Variants in AGBL3 observed in about 807,000 individuals in gnomAD.
The protein encoded by AGBL3 is cytosolic carboxypeptidase 3.
AGBL3 carries 68 observed loss-of-function variants against 94.5 expected under a neutral mutation model. That is an observed-to-expected ratio of 0.72 (90% CI 0.59 to 0.88). AGBL3 has a LOEUF of 0.88. AGBL3 is among the 40% of genes least tolerant of loss of function. AGBL3 has a pLI of 0.00. For missense variants in AGBL3, 934 were observed against 1,103.8 expected, an observed-to-expected ratio of 0.85 and a Z score of 2.18; for synonymous variants, 354 against 370.7, an observed-to-expected ratio of 0.95 and a Z score of 0.52.
intron 5 of AGBL3, among the ~76,000 whole-genome samples, chr7:135,029,115 C>CTT (rs1815459085): frequency 6.6e-6 from 1 of 152,138 alleles, no homozygotes; most frequent in African/African-American, 2.4e-5. Flanking sequence ...TAGCATAATT[C>CTT]TTAAGGGCCC....
chr7:134,992,549 A>G (rs113686616), intron 3 of AGBL3, among the ~76,000 whole-genome samples: 8 of 152,354 alleles, frequency 5.3e-5, no homozygotes, highest in African/African-American at 1.2e-4. Context: ...AATTGTCTGT[A>G]TATAGTTTTT....
chr7:135,042,762 A>C (rs1816981636), intron 8 of AGBL3, among the ~76,000 whole-genome samples: 1 of 152,094 alleles, frequency 6.6e-6, no homozygotes, highest in Admixed American at 6.6e-5. Flanking sequence ...AAATACAAAA[A>C]TAGCTACGTA....
intron 15 of AGBL3, among the ~76,000 whole-genome samples, chr7:135,086,743 G>A (rs1290170650): frequency 6.6e-6 from 1 of 151,884 alleles, no homozygotes; most frequent in Non-Finnish European, 1.5e-5. Flanking sequence ...GATTTGGTTT[G>A]TTAGTATTTT....
chr7:135,118,978 G>GA (rs1826726766), intron 16 of AGBL3, among the ~76,000 whole-genome samples: 1 of 152,004 alleles, frequency 6.6e-6, no homozygotes, highest in South Asian at 2.1e-4. Flanking sequence ...GAACATAAGA[G>GA]AAAAAATAGG....
At chr7:134,994,147 G>A (rs1390107417) in intron 4 of AGBL3, among the ~76,000 whole-genome samples, 1 of 152,180 alleles carries the variant, frequency 6.6e-6, no homozygotes, top group East Asian at 1.9e-4. Context: ...AGGCTATGCC[G>A]GAATGGCTGT....
At chr7:135,077,575 A>G (rs1295490012) in intron 13 of AGBL3, among the ~76,000 whole-genome samples, 1 of 152,160 alleles carries the variant, frequency 6.6e-6, no homozygotes, top group Non-Finnish European at 1.5e-5. Flanking sequence ...AAAGCAGTGC[A>G]ATTATGGCTT....
intron 16 of AGBL3, chr7:135,128,865 G>A: frequency 7.9e-7 from 1 of 1,268,912 alleles, no homozygotes; most frequent in Non-Finnish European, 1.2e-6. Flanking sequence ...TATGATCCAG[G>A]AAATCTTGGA....
intron 11 of AGBL3, among the ~76,000 whole-genome samples, chr7:135,056,376 A>G (rs1818352030): frequency 6.6e-6 from 1 of 152,026 alleles, no homozygotes; most frequent in African/African-American, 2.4e-5. Flanking sequence ...ATATGCATTC[A>G]ATGCTATAAA....
At chr7:135,007,928 C>A (rs534058432) in intron 4 of AGBL3, among the ~76,000 whole-genome samples, 1 of 151,860 alleles carries the variant, frequency 6.6e-6, no homozygotes, top group Non-Finnish European at 1.5e-5. Flanking sequence ...AATATGAATA[C>A]ATTTAGGTAA....
At chr7:135,063,856 A>C (rs1819049841) in intron 12 of AGBL3, among the ~76,000 whole-genome samples, 1 of 152,194 alleles carries the variant, frequency 6.6e-6, no homozygotes. Flanking sequence ...ACAATAGCAA[A>C]CATGTATTTT....
chr7:135,090,634 G>A (rs1821720208), intron 15 of AGBL3, among the ~76,000 whole-genome samples: 1 of 152,128 alleles, frequency 6.6e-6, no homozygotes, highest in Non-Finnish European at 1.5e-5. Context: ...TGACCACTCT[G>A]AGTGACCAAG....
chr7:135,057,202 A>G lies in AGBL3; in HGVS notation c.1842-1967A>G, dbSNP rs565479847. ...GTTACTGGAACAATTGGACATCCACAGGCAAAATGTGAACTAGAAGCAACT... is the reference window on the plus strand; with the variant it reads ...GTTACTGGAACAATTGGACATCCACGGGCAAAATGTGAACTAGAAGCAACT... On this transcript the variant is annotated intron_variant, in intron 11 of 16. Coordinates refer to ENST00000436302, the MANE Select transcript of AGBL3 (RefSeq NM_178563.4). Among the ~76,000 whole-genome samples, 75 of 152,318 alleles carry G rather than the reference A, an allele frequency of 4.9e-4. 1 individual carries two copies. The highest frequency in any genetic ancestry group is 1.7e-3 in the African/African-American group (69 of 41,592).
intron 12 of AGBL3, among the ~76,000 whole-genome samples, chr7:135,069,375 C>G (rs1222756015): frequency 6.6e-6 from 1 of 151,948 alleles, no homozygotes; most frequent in Non-Finnish European, 1.5e-5. Context: ...CCAAGCAGAC[C>G]TAACAGACAT....
chr7:134,996,494 C>T (rs930316694), intron 4 of AGBL3, among the ~76,000 whole-genome samples: 3 of 19,338 alleles, frequency 1.6e-4, no homozygotes, highest in African/African-American at 1.8e-4. Context: ...CCAGAATTCC[C>T]CAGAGGTAAA....
In AGBL3 at chr7:135,081,622, T is replaced by C. The variant is rs1350964701; in HGVS notation, c.2039-97T>C. ...GAACTAAACTACTGTCTACAAGTTA[T>C]TTACTAGCATTTTCCACTTTGAAAA... On this transcript the variant is annotated intron_variant, in intron 14 of 16. Coordinates refer to ENST00000436302, the MANE Select transcript of AGBL3 (RefSeq NM_178563.4). 4.1e-6 allele frequency: 3 copies of C among 733,306 alleles called. No homozygotes were observed. In the African/African-American group the frequency reaches 5.3e-5, roughly 13 times the overall value. The allele number at this position is 733,306 out of a possible 1,614,324, so 45.4% of individuals were successfully genotyped here.
At chr7:135,072,529 G>C (rs1213108704) in intron 12 of AGBL3, among the ~76,000 whole-genome samples, 1 of 152,150 alleles carries the variant, frequency 6.6e-6, no homozygotes, top group East Asian at 1.9e-4. Flanking sequence ...GTCCAACAAT[G>C]ATAGACTGGA....
chr7:135,098,486 C>T (rs73442113), intron 15 of AGBL3, among the ~76,000 whole-genome samples: 2,890 of 152,234 alleles, frequency 0.019, 104 homozygotes, highest in African/African-American at 0.065. Context: ...AAATATTTTC[C>T]ATCCTCAGTT....
At chr7:135,060,246 G>A (rs1818705820) in intron 12 of AGBL3, among the ~76,000 whole-genome samples, 1 of 152,002 alleles carries the variant, frequency 6.6e-6, no homozygotes, top group African/African-American at 2.4e-5. Flanking sequence ...CATAATTTGT[G>A]TCATCATTCT....
intron 16 of AGBL3, among the ~76,000 whole-genome samples, chr7:135,126,039 G>C (rs1827825736): frequency 6.6e-6 from 1 of 152,108 alleles, no homozygotes; most frequent in Admixed American, 6.5e-5. Flanking sequence ...GGAAGCTCTG[G>C]CCAGGGCAAT....
Sources: allele counts gnomAD v4.1 joint callset (sites outside exome capture counted in the v4.1 genomes callset), GRCh38; gene constraint gnomAD v4.1.1; transcripts MANE v1.5; gene names NCBI Gene and HGNC (gene_info 2026-07-23, HGNC 2026-07-21).